Variants in NAALADL2 observed in about 807,000 individuals in gnomAD.
NAALADL2 encodes the protein N-acetylated alpha-linked acidic dipeptidase like 2.
Under a neutral mutation model 87.2 loss-of-function variants are expected in NAALADL2, and 76 were observed. The observed-to-expected ratio is 0.87, with a 90% CI of 0.72 to 1.05. The LOEUF (loss-of-function observed/expected upper bound fraction) is 1.05, where lower values mean the gene tolerates loss of function less well. NAALADL2 is among the 50% of genes least tolerant of loss of function. The pLI, the probability that NAALADL2 is intolerant of heterozygous loss-of-function variation, is 0.00. For missense variants in NAALADL2, 1,089 were observed against 945.8 expected (o/e 1.15, Z -1.99); for synonymous variants, 354 against 331.0 (o/e 1.07, Z -0.75).
At chr3:175,267,633 G>T (rs1190414785) in intron 4 of NAALADL2, among the ~76,000 whole-genome samples, 1 of 152,012 alleles carries the variant, frequency 6.6e-6, no homozygotes, top group Non-Finnish European at 1.5e-5. Flanking sequence ...ATAATATCTG[G>T]GGTGATGGGA....
intron 2 of NAALADL2, among the ~76,000 whole-genome samples, chr3:174,604,294 T>C (rs540546652): frequency 1.3e-5 from 2 of 152,326 alleles, no homozygotes; most frequent in African/African-American, 4.8e-5. Flanking sequence ...TCTTGCTGAA[T>C]TGACCCCTTT....
intron 2 of NAALADL2, among the ~76,000 whole-genome samples, chr3:174,727,823 G>C (rs1439861668): frequency 3.3e-5 from 5 of 152,090 alleles, no homozygotes; most frequent in African/African-American, 1.2e-4. Flanking sequence ...GACCATTAGA[G>C]TATCATATGT....
intron 5 of NAALADL2, among the ~76,000 whole-genome samples, chr3:175,329,063 T>C (rs979885203): frequency 1.3e-5 from 2 of 152,166 alleles, no homozygotes; most frequent in Admixed American, 6.5e-5. Context: ...GACTACAGTG[T>C]TGATTTTAAT....
intron 2 of NAALADL2, among the ~76,000 whole-genome samples, chr3:174,612,262 G>T (rs576317980): frequency 6.6e-6 from 1 of 151,980 alleles, no homozygotes; most frequent in Non-Finnish European, 1.5e-5. Flanking sequence ...AATGTCTTGA[G>T]GTATTGTTCT....
intron 3 of NAALADL2, among the ~76,000 whole-genome samples, chr3:174,764,376 T>C (rs1713492001): frequency 6.6e-6 from 1 of 152,034 alleles, no homozygotes; most frequent in African/African-American, 2.4e-5. Context: ...CTTTGGGAGG[T>C]TGAGGCAGGT....
intron 1 of NAALADL2, among the ~76,000 whole-genome samples, chr3:174,895,786 T>TA (rs958530543): frequency 2.0e-5 from 3 of 151,872 alleles, no homozygotes; most frequent in Admixed American, 1.3e-4. Flanking sequence ...AAATATTGAA[T>TA]AAAAAATCCT....
chr3:175,381,939 G>A (rs1280861824), intron 5 of NAALADL2, among the ~76,000 whole-genome samples: 1 of 152,008 alleles, frequency 6.6e-6, no homozygotes, highest in Admixed American at 6.6e-5. Flanking sequence ...GATGGTTTTT[G>A]GTGCCCTAGT....
At chr3:175,478,310 C>T (rs759660335) in intron 9 of NAALADL2, among the ~76,000 whole-genome samples, 1 of 151,836 alleles carries the variant, frequency 6.6e-6, no homozygotes, top group Non-Finnish European at 1.5e-5. Flanking sequence ...CACTGAGTTA[C>T]CACTTCGATA....
At chr3:174,593,391 G>C (rs559816662) in intron 2 of NAALADL2, among the ~76,000 whole-genome samples, 1 of 152,096 alleles carries the variant, frequency 6.6e-6, no homozygotes, top group Non-Finnish European at 1.5e-5. Context: ...TTTGAGGAAG[G>C]CACTGCTATT....
At chr3:175,015,759 AG>A (rs1263864830) in intron 1 of NAALADL2, among the ~76,000 whole-genome samples, 2 of 152,138 alleles carry the variant, frequency 1.3e-5, no homozygotes, top group African/African-American at 4.8e-5. Flanking sequence ...CTTATTTTGA[AG>A]AAAAGCTTGT....
Position 175,357,037 on chromosome 3 carries a change from G to A in NAALADL2, c.1090+32712G>A, listed in dbSNP as rs750404820. 3.8e-4 allele frequency among the ~76,000 whole-genome samples: 58 copies of A among 152,050 alleles called. 1 individual carries two copies. Among genetic ancestry groups the A allele is most frequent in the Non-Finnish European group, 1.2e-4 (8 of 68,040 alleles). ...ATTTTCAAACCGAGCTGTTTTCCTA[G>A]TCAATCATTTATCTTAACTCTCAGT... On this transcript the variant is annotated intron_variant, in intron 5 of 13. Transcript: ENST00000454872.
At chr3:174,996,993 GGTGTGTGTGTGTGT>G (rs34590643) in intron 1 of NAALADL2, among the ~76,000 whole-genome samples, 3,304 of 121,534 alleles carry the variant, frequency 0.027, 110 homozygotes, top group East Asian at 0.17. Flanking sequence ...TATTCCAAGG[GGTGTGTGTGTGTGT>G]GTGTGTGTGT....
At chr3:175,528,580 C>T (rs1362250747) in intron 9 of NAALADL2, among the ~76,000 whole-genome samples, 5 of 152,144 alleles carry the variant, frequency 3.3e-5, no homozygotes, top group Admixed American at 2.6e-4. Context: ...CATCACAAGT[C>T]CACCCCTTGT....
At chr3:175,663,056 T>C (rs1732474684) in intron 11 of NAALADL2, among the ~76,000 whole-genome samples, 1 of 151,902 alleles carries the variant, frequency 6.6e-6, no homozygotes, top group South Asian at 2.1e-4. Context: ...GCTCTTTAAT[T>C]TTTGAGATAC....
In NAALADL2 at chr3:175,783,484, C is replaced by T. The variant is rs529258640; in HGVS notation, c.2190-19521C>T. ...TTGGAAGCAATTGTGAATGGGAGTT[C>T]ACTCATGATTTGGCTCTCTGTCTGT... On this transcript the variant is annotated intron_variant, in intron 13 of 13. Coordinates refer to ENST00000454872, the MANE Select transcript of NAALADL2 (RefSeq NM_207015.3). Among the ~76,000 whole-genome samples the T allele has an allele frequency of 7.9e-5, 12 of 151,758 alleles. No homozygotes were observed. The South Asian group carries it at 2.3e-3, about 29-fold the overall frequency.
chr3:174,873,090 A>G (rs1029666266), intron 1 of NAALADL2, among the ~76,000 whole-genome samples: 1 of 152,004 alleles, frequency 6.6e-6, no homozygotes, highest in Non-Finnish European at 1.5e-5. Context: ...TCTGTTGAGC[A>G]TTTCGTGTAT....
At chr3:174,483,764 A>C (rs569985908) in intron 1 of NAALADL2, among the ~76,000 whole-genome samples, 1 of 152,168 alleles carries the variant, frequency 6.6e-6, no homozygotes, top group East Asian at 1.9e-4. Context: ...AATGAAGCAA[A>C]AGGCTCTGAG....
intron 4 of NAALADL2, among the ~76,000 whole-genome samples, chr3:175,308,684 T>C (rs867838017): frequency 6.6e-6 from 1 of 152,208 alleles, no homozygotes; most frequent in Non-Finnish European, 1.5e-5. Context: ...CCAGATGGAA[T>C]AGGGATGCCT....
chr3:175,026,655 CAA>C lies in NAALADL2; in HGVS notation c.44-70124_44-70123del, dbSNP rs11333456. Among the ~76,000 whole-genome samples the C allele has an allele frequency of 1.8e-3, 261 of 143,304 alleles. 1 individual carries two copies. Among genetic ancestry groups the C allele is most frequent in the African/African-American group, 6.3e-3 (249 of 39,740 alleles). 94.0% of individuals were successfully genotyped at this position (143,304 alleles called of 152,430 possible). Reference sequence around the variant, plus strand: ...AGGCAACAAGAACAAAACTCTGTCTCAAAAAAAAAAAATCAAATTGGTGAGCT... The same window carrying C: ...AGGCAACAAGAACAAAACTCTGTCTCAAAAAAAAAATCAAATTGGTGAGCT... On this transcript the variant is annotated intron_variant, in intron 1 of 13. Coordinates refer to ENST00000454872, the MANE Select transcript of NAALADL2 (RefSeq NM_207015.3).
Sources: allele counts gnomAD v4.1 joint callset (sites outside exome capture counted in the v4.1 genomes callset), GRCh38; gene constraint gnomAD v4.1.1; transcripts MANE v1.5; gene names NCBI Gene and HGNC (gene_info 2026-07-23, HGNC 2026-07-21).